Variants in NELL1 observed in about 807,000 individuals in gnomAD.
NELL1 encodes protein kinase C-binding protein NELL1.
NELL1 carries 76 observed loss-of-function variants against 107.4 expected under a neutral mutation model. That is an observed-to-expected ratio of 0.71 (90% confidence interval 0.59 to 0.86). The LOEUF (loss-of-function observed/expected upper bound fraction) is 0.86. Among genes scored for constraint, NELL1 ranks in the 40% least tolerant of loss-of-function variants. The pLI is 0.00. For synonymous variants in NELL1, 353 were observed against 341.2 expected (o/e 1.03, Z -0.38); for missense variants, 1,024 against 1,005.5 (o/e 1.02, Z -0.25).
intron 12 of NELL1, among the ~76,000 whole-genome samples, chr11:21,002,292 A>AATAGTT: frequency 4.0e-5 from 2 of 50,168 alleles, no homozygotes; most frequent in Middle Eastern, 0.012. Context: ...AATATATTAT[A>AATAGTT]ACAGTTACCT....
chr11:21,193,933 A>C lies in NELL1; in HGVS notation c.1427-35399A>C, dbSNP rs146213671. On this transcript the variant is annotated intron_variant, in intron 13 of 19. Transcript: ENST00000357134. ...TTTCAGAGGATTCGATGCTAGTTGC[A>C]ATGGGTTTCATCTTTGAGGAGTCTC... Among the ~76,000 whole-genome samples, 526 of 151,936 alleles carry C rather than the reference A, an allele frequency of 3.5e-3. 15 individuals are homozygous for C. Among genetic ancestry groups the C allele is most frequent in the African/African-American group, 0.012 (478 of 41,248 alleles).
chr11:21,414,234 T>A (rs1023877414), intron 15 of NELL1, among the ~76,000 whole-genome samples: 1 of 151,366 alleles, frequency 6.6e-6, no homozygotes, highest in African/African-American at 2.4e-5. Flanking sequence ...GGAAGAAGAG[T>A]GGGGGAGAGG....
chr11:21,064,009 A>G (rs1853808248), intron 12 of NELL1, among the ~76,000 whole-genome samples: 1 of 152,098 alleles, frequency 6.6e-6, no homozygotes, highest in South Asian at 2.1e-4. Context: ...AAAGACTTGA[A>G]GGAAGTGATG....
chr11:21,414,040 A>G (rs1374798110), intron 15 of NELL1, among the ~76,000 whole-genome samples: 1 of 152,054 alleles, frequency 6.6e-6, no homozygotes, highest in Non-Finnish European at 1.5e-5. Context: ...TTACAACACA[A>G]ACTCACCTAG....
intron 17 of NELL1, among the ~76,000 whole-genome samples, chr11:21,569,413 C>T (rs536786262): frequency 6.6e-6 from 1 of 151,884 alleles, no homozygotes; most frequent in South Asian, 2.1e-4. Context: ...AATGCCTCTG[C>T]ACAATGCATG....
chr11:21,528,699 A>G lies in NELL1; in HGVS notation c.1646-5675A>G, dbSNP rs979286008. On this transcript the variant is annotated intron_variant, in intron 15 of 19. Coordinates refer to ENST00000357134, the MANE Select transcript of NELL1 (RefSeq NM_006157.5). ...CAGAATGGACTAAGACAGTTATGTT[A>G]TCATTTAAAAGCCAAAGAAAGTGAA... 3.3e-5 allele frequency among the ~76,000 whole-genome samples: 5 copies of G among 152,150 alleles called. No homozygotes were observed. The East Asian group carries it at 9.6e-4, about 29-fold the overall frequency.
intron 14 of NELL1, among the ~76,000 whole-genome samples, chr11:21,300,988 A>T (rs924830080): frequency 3.0e-4 from 45 of 152,250 alleles, no homozygotes; most frequent in Middle Eastern, 3.4e-3. Context: ...GAGTGAGAAC[A>T]TGCAGTGTTT....
chr11:21,337,845 C>CTTTCT (rs1555006235), intron 14 of NELL1, among the ~76,000 whole-genome samples: 1 of 132,394 alleles, frequency 7.6e-6, no homozygotes. Context: ...TCTTTTCTTT[C>CTTTCT]TTTCTTTCTT....
intron 15 of NELL1, among the ~76,000 whole-genome samples, chr11:21,492,766 G>T (rs574567082): frequency 9.1e-6 from 1 of 109,896 alleles, no homozygotes; most frequent in East Asian, 3.3e-4. Context: ...GAGGGGGGAG[G>T]GATAGCATTA....
intron 2 of NELL1, among the ~76,000 whole-genome samples, chr11:20,701,931 G>C (rs1854801936): frequency 6.6e-6 from 1 of 152,222 alleles, no homozygotes; most frequent in Non-Finnish European, 1.5e-5. Context: ...ATAGTTTGAA[G>C]TAAGGTAGCA....
chr11:21,106,902 G>C (rs1442049480), intron 12 of NELL1, among the ~76,000 whole-genome samples: 1 of 152,018 alleles, frequency 6.6e-6, no homozygotes, highest in East Asian at 1.9e-4. Flanking sequence ...TGTTCCTTTG[G>C]GCAAGTTGGA....
Position 20,669,700 on chromosome 11 carries a change from G to A in NELL1, c.-24G>A, listed in dbSNP as rs1015909726. 7.5e-6 allele frequency: 12 copies of A among 1,610,128 alleles called. No homozygotes were observed. Among genetic ancestry groups the A allele is most frequent in the Non-Finnish European group, 1.0e-5 (12 of 1,176,830 alleles). Reference sequence around the variant, plus strand: ...CTTCCACCTAGCTTCGGTGCCCCCTGCTAGGCGGGGACCCTCGAGAGCGAT... The same window carrying A: ...CTTCCACCTAGCTTCGGTGCCCCCTACTAGGCGGGGACCCTCGAGAGCGAT... On this transcript the variant is annotated 5_prime_UTR_variant, in exon 1 of 20. Coordinates refer to ENST00000357134, the MANE Select transcript of NELL1 (RefSeq NM_006157.5). The surrounding 1 kb of genome is among the most constrained non-coding windows in gnomAD (Gnocchi z 4.4).
intron 15 of NELL1, among the ~76,000 whole-genome samples, chr11:21,478,029 A>G (rs1854393917): frequency 6.6e-6 from 1 of 152,072 alleles, no homozygotes; most frequent in African/African-American, 2.4e-5. Flanking sequence ...AAAATGGGTA[A>G]CTTATAAAAG....
At chr11:21,250,263 A>G (rs1262534142) in intron 14 of NELL1, among the ~76,000 whole-genome samples, 1 of 152,192 alleles carries the variant, frequency 6.6e-6, no homozygotes, top group Non-Finnish European at 1.5e-5. Context: ...GTTATTTAAC[A>G]TAAACCTGAT....
At chr11:20,946,138 T>C (rs967597275) in intron 10 of NELL1, among the ~76,000 whole-genome samples, 8 of 152,308 alleles carry the variant, frequency 5.3e-5, no homozygotes, top group African/African-American at 1.7e-4. Context: ...GTGGGAGTTC[T>C]TGCCAAACCA....
intron 3 of NELL1, among the ~76,000 whole-genome samples, chr11:20,835,644 C>A (rs1848521455): frequency 6.6e-6 from 1 of 152,194 alleles, no homozygotes; most frequent in African/African-American, 2.4e-5. Context: ...TATGTTTATA[C>A]TTGCTTTCAT....
At chr11:21,188,796 G>A (rs1348658578) in intron 13 of NELL1, among the ~76,000 whole-genome samples, 1 of 151,692 alleles carries the variant, frequency 6.6e-6, no homozygotes, top group Non-Finnish European at 1.5e-5. Flanking sequence ...ATTCTTTCCA[G>A]TATAAATCTT....
intron 13 of NELL1, among the ~76,000 whole-genome samples, chr11:21,222,115 T>C (rs543605214): frequency 1.3e-5 from 2 of 152,300 alleles, no homozygotes; most frequent in South Asian, 4.1e-4. Context: ...GGTTTGTTGA[T>C]TTTGTTTATC....
At chr11:21,568,481 G>A (rs1857022819) in intron 17 of NELL1, among the ~76,000 whole-genome samples, 1 of 151,536 alleles carries the variant, frequency 6.6e-6, no homozygotes, top group South Asian at 2.1e-4. Flanking sequence ...ATTAACCTTA[G>A]CTTATTGTAA....
Sources: allele counts gnomAD v4.1 joint callset (sites outside exome capture counted in the v4.1 genomes callset), GRCh38; gene constraint gnomAD v4.1.1; non-coding constraint Gnocchi (gnomAD v3.1); transcripts MANE v1.5; gene names NCBI Gene and HGNC (gene_info 2026-07-23, HGNC 2026-07-21).